The following JAKMIP3 variants were observed in gnomAD, a reference collection of about 807,000 sequenced individuals.
JAKMIP3 encodes Janus kinase and microtubule interacting protein 3.
A neutral mutation model predicts 118.5 loss-of-function variants in JAKMIP3; 58 were observed. The ratio of observed to expected loss-of-function variants is 0.49; its 90% CI spans 0.40 to 0.61. The LOEUF (loss-of-function observed/expected upper bound fraction) is 0.61. Among genes scored for constraint, JAKMIP3 ranks in the 20% least tolerant of loss-of-function variants. The pLI, the probability that JAKMIP3 is intolerant of heterozygous loss-of-function variation, is 0.00. For synonymous variants in JAKMIP3, 486 were observed against 451.2 expected (o/e 1.08, Z -0.98); for missense variants, 950 against 1,109.0 (o/e 0.86, Z 2.04).
intron 16 of JAKMIP3, 78 bp downstream of exon 16, chr10:132,150,119 C>T: frequency 8.4e-7 from 1 of 1,186,288 alleles, no homozygotes; most frequent in Non-Finnish European, 1.2e-6. Flanking sequence ...CCAGGAGGCC[C>T]TGCCAGCCTC....
At chr10:132,103,771 C>T (rs778028026) in intron 1 of JAKMIP3, among the ~76,000 whole-genome samples, 14 of 151,850 alleles carry the variant, frequency 9.2e-5, no homozygotes, top group African/African-American at 1.9e-4. Flanking sequence ...AAGCAGTGGG[C>T]GAGGGAGGGA....
At chr10:132,036,424 C>T (rs2037496883), upstream of JAKMIP3, among the ~76,000 whole-genome samples, 1 of 152,182 alleles carries the variant, frequency 6.6e-6, no homozygotes, top group Non-Finnish European at 1.5e-5. Flanking sequence ...TCCCTCTAAG[C>T]CGGCGGCGCC....
intron 1 of JAKMIP3, among the ~76,000 whole-genome samples, chr10:132,068,774 G>A (rs925916719): frequency 2.0e-5 from 3 of 152,118 alleles, no homozygotes; most frequent in African/African-American, 7.2e-5. Flanking sequence ...TGATTGCCTT[G>A]GGTTTTTGAC....
chr10:132,084,963 G>T (rs2042199703), intron 1 of JAKMIP3, among the ~76,000 whole-genome samples: 3 of 152,238 alleles, frequency 2.0e-5, no homozygotes, highest in East Asian at 3.9e-4. Context: ...ATATGTTGTT[G>T]GATTCGGTTA....
chr10:132,086,997 C>T (rs1296250283), intron 1 of JAKMIP3, among the ~76,000 whole-genome samples: 1 of 152,120 alleles, frequency 6.6e-6, no homozygotes, highest in Non-Finnish European at 1.5e-5. Flanking sequence ...GTTTTGATGT[C>T]TTTCCAGGAT....
chr10:132,073,421 G>A (rs2040287843), intron 1 of JAKMIP3, among the ~76,000 whole-genome samples: 1 of 151,718 alleles, frequency 6.6e-6, no homozygotes, highest in East Asian at 1.9e-4. Context: ...TCCTGACCTT[G>A]TGATCCACCC....
intron 1 of JAKMIP3, among the ~76,000 whole-genome samples, chr10:132,048,935 C>T (rs1339191410): frequency 2.0e-5 from 3 of 152,118 alleles, no homozygotes; most frequent in Non-Finnish European, 2.9e-5. Context: ...CCACCGCGCC[C>T]GGCCTGGGCT....
intron 9 of JAKMIP3, among the ~76,000 whole-genome samples, chr10:132,139,117 T>TG (rs1353591243): frequency 1.3e-5 from 2 of 151,568 alleles, no homozygotes; most frequent in Non-Finnish European, 2.9e-5. Flanking sequence ...TGTGTGTGTA[T>TG]GCATCTGTGT....
At chr10:132,103,352 GGAGAGGAACATCAGGGGGA>G (rs1251434284) in intron 1 of JAKMIP3, among the ~76,000 whole-genome samples, 3 of 150,208 alleles carry the variant, frequency 2.0e-5, no homozygotes, top group Admixed American at 6.6e-5. Context: ...AGCAGCTGCT[GGAGAGGAACATCAGGGGGA>G]GAGAGGAACA....
At chr10:132,108,554 G>A (rs965667515) in intron 2 of JAKMIP3, among the ~76,000 whole-genome samples, 3 of 151,902 alleles carry the variant, frequency 2.0e-5, no homozygotes, top group Non-Finnish European at 4.4e-5. Flanking sequence ...ACCCCAGAGC[G>A]CTCTCTGACC....
intron 3 of JAKMIP3, among the ~76,000 whole-genome samples, chr10:132,120,038 G>A (rs938495838): frequency 2.6e-5 from 4 of 152,188 alleles, no homozygotes; most frequent in Non-Finnish European, 5.9e-5. Flanking sequence ...CCATGGAGTC[G>A]TAGAATAGCC....
chr10:132,126,576 A>ACTGTG (rs2049591950), intron 3 of JAKMIP3, among the ~76,000 whole-genome samples: 1 of 100,536 alleles, frequency 9.9e-6, no homozygotes, highest in Admixed American at 1.1e-4. Context: ...GGTGTGAGCC[A>ACTGTG]TTGCACTCTC....
At chr10:132,099,449 G>GT (rs1471485564) in intron 1 of JAKMIP3, among the ~76,000 whole-genome samples, 1 of 152,194 alleles carries the variant, frequency 6.6e-6, no homozygotes, top group Non-Finnish European at 1.5e-5. Flanking sequence ...AATCTGCACT[G>GT]TTAATTTAAC....
At chr10:132,070,524 G>A (rs748880276) in intron 1 of JAKMIP3, among the ~76,000 whole-genome samples, 4 of 152,142 alleles carry the variant, frequency 2.6e-5, no homozygotes, top group African/African-American at 4.8e-5. Flanking sequence ...AATCCCATGC[G>A]TGATCTTTGC....
intron 1 of JAKMIP3, among the ~76,000 whole-genome samples, chr10:132,069,658 G>T (rs111285327): frequency 6.6e-6 from 1 of 152,136 alleles, no homozygotes; most frequent in African/African-American, 2.4e-5. Context: ...ATTAAAGAGC[G>T]CAATTGGCAG....
At chr10:132,130,152 CG>C (rs1005395302) in intron 3 of JAKMIP3, among the ~76,000 whole-genome samples, 10 of 152,270 alleles carry the variant, frequency 6.6e-5, no homozygotes, top group Admixed American at 5.9e-4. Flanking sequence ...GGAGGCTTGG[CG>C]GCCTCTTCTA....
rs1343274196 is a variant in JAKMIP3 at position 132,133,447 on chromosome 10, G to C, written c.769G>C (p.Asp257His). 6.3e-7 allele frequency: 1 copy of C among 1,588,700 alleles called. No homozygotes were observed. The highest frequency in any genetic ancestry group is 8.6e-7 in the Non-Finnish European group (1 of 1,168,154). The change falls in exon 4 of 24, where the codon GAC (aspartate) becomes CAC (histidine). Residue 257 changes from aspartate (D) to histidine (H), a missense_variant. Physicochemically the swap from Asp to His is moderately conservative, Grantham distance 81 (BLOSUM62 -1). Coordinates refer to ENST00000684848, the MANE Select transcript of JAKMIP3 (RefSeq NM_001323087.2). ...DEQLSQVREA[D>H]RHPGSPRREL... Reference sequence around the variant, plus strand: ...GCAGCTGTCCCAGGTCCGAGAGGCCGACCGGCACCCGGGCAGCCCCAGACG... The same window carrying C: ...GCAGCTGTCCCAGGTCCGAGAGGCCCACCGGCACCCGGGCAGCCCCAGACG...
In JAKMIP3 at chr10:132,118,896, C is replaced by T. The variant is rs764021923; in HGVS notation, c.633+1322C>T. 2.0e-5 allele frequency among the ~76,000 whole-genome samples: 3 copies of T among 152,174 alleles called. No individual in the cohort carries two copies. The highest frequency in any genetic ancestry group is 2.9e-5 in the Non-Finnish European group (2 of 68,036). Reference sequence around the variant, plus strand: ...AAGGAAGGAAGCGTTGCCACTGTCCCGGGAAGGTGGGAGGGACAGGTGGCT... The same window carrying T: ...AAGGAAGGAAGCGTTGCCACTGTCCTGGGAAGGTGGGAGGGACAGGTGGCT... On this transcript the variant is annotated intron_variant, in intron 3 of 23. Coordinates refer to ENST00000684848, the MANE Select transcript of JAKMIP3 (RefSeq NM_001323087.2). This position sits in a 1 kb window ranked among gnomAD's most constrained non-coding sequence, Gnocchi z 4.8.
chr10:132,168,346 A>G lies in JAKMIP3; in HGVS notation c.*416A>G, dbSNP rs931365274. 9 of 1,289,398 alleles carry G rather than the reference A, an allele frequency of 7.0e-6. 1 individual carries two copies. The highest frequency in any genetic ancestry group is 2.1e-4 in the Middle Eastern group (1 of 4,718). The allele number at this position is 1,289,398 out of a possible 1,614,324, so 79.9% of individuals were successfully genotyped here. A position where few individuals can be genotyped will look rare whatever the true frequency, so the allele number is the denominator to read the frequency against. On this transcript the variant is annotated 3_prime_UTR_variant, in exon 23 of 24. Transcript: ENST00000684848. ...TCTCTTGGTTCTCACAGTAGCTGCC[A>G]CTGGTGTCTGGAGGAAGATTTTCAG... is the stretch of plus-strand genomic sequence containing the variant.
Sources: gnomAD v4.1 joint callset for allele counts (sites outside exome capture counted in the v4.1 genomes callset) on GRCh38, gnomAD v4.1.1 for gene constraint, Gnocchi (gnomAD v3.1) non-coding constraint, MANE v1.5 for transcripts, NCBI Gene and HGNC (gene_info 2026-07-23, HGNC 2026-07-21) for gene names.